The following ARHGAP5 variants were observed in gnomAD, a reference collection of about 807,000 sequenced individuals.
ARHGAP5 encodes Rho GTPase activating protein 5.
Under a neutral mutation model 116.6 loss-of-function variants are expected in ARHGAP5, and 23 were observed. That is an observed-to-expected ratio of 0.20 (90% CI 0.14 to 0.28). ARHGAP5 has a LOEUF of 0.28. Among genes scored for constraint, ARHGAP5 ranks in the 10% least tolerant of loss-of-function variants. ARHGAP5 has a pLI of 1.00. For missense variants in ARHGAP5, 1,405 were observed against 1,774.8 expected, an observed-to-expected ratio of 0.79 and a Z score of 3.74; for synonymous variants, 574 against 602.0, an observed-to-expected ratio of 0.95 and a Z score of 0.68.
chr14:32,124,622 T>C (rs1880052390), intron 3 of ARHGAP5, among the ~76,000 whole-genome samples: 2 of 152,298 alleles, frequency 1.3e-5, no homozygotes, highest in East Asian at 3.9e-4. Flanking sequence ...AGGGTGACCG[T>C]AGATGGCATT....
chr14:32,153,406 C>CAAAAAAAAA (rs771660350), intron 6 of ARHGAP5, among the ~76,000 whole-genome samples: 10 of 15,158 alleles, frequency 6.6e-4, no homozygotes, highest in Admixed American at 1.4e-3. Flanking sequence ...GACTCTGTCT[C>CAAAAAAAAA]AAAAAAAAAA....
At chr14:32,102,738 G>C (rs1207125556) in intron 2 of ARHGAP5, among the ~76,000 whole-genome samples, 2 of 152,242 alleles carry the variant, frequency 1.3e-5, no homozygotes, top group Admixed American at 6.5e-5. Flanking sequence ...AGTGTGATCA[G>C]TTGAAGTCAG....
intron 3 of ARHGAP5, among the ~76,000 whole-genome samples, chr14:32,145,661 C>G (rs1224998138): frequency 6.6e-6 from 1 of 152,082 alleles, no homozygotes; most frequent in Non-Finnish European, 1.5e-5. Flanking sequence ...CTTCTTCTCT[C>G]CACCATTCAC....
intron 3 of ARHGAP5, among the ~76,000 whole-genome samples, chr14:32,128,352 C>T (rs188115811): frequency 1.3e-3 from 200 of 152,326 alleles, no homozygotes; most frequent in African/African-American, 4.5e-3. Context: ...GAGGTTGTAG[C>T]GAGCCAAGAT....
chr14:32,096,990 G>A (rs1279641040), intron 2 of ARHGAP5, among the ~76,000 whole-genome samples: 3 of 152,246 alleles, frequency 2.0e-5, no homozygotes, highest in Admixed American at 2.0e-4. Flanking sequence ...ACCTGATTTG[G>A]CCTATTCTCA....
rs144640899 is a variant in ARHGAP5 at position 32,093,950 on chromosome 14, C to T, written c.3281C>T (p.Pro1094Leu). Residue 1094 changes from proline (P) to leucine (L), a missense_variant, in exon 2 of 7, where the codon CCC becomes CTC. By Grantham distance (98) the Pro-to-Leu change is moderately conservative. This residue lies in a region of ARHGAP5 where 944 missense variants were observed against 1,095.3 expected (regional missense o/e 0.86). Transcript: ENST00000345122. The part of the protein sequence containing the change: ...DMDPSDNYAE[P>L]IDTIFKQKGY... ...GATCCTTCAGATAACTATGCGGAAC[C>T]CATTGATACAATTTTCAAACAGAAG... The T allele has an allele frequency of 3.1e-6, 5 of 1,613,750 alleles. No homozygotes were observed. The highest frequency in any genetic ancestry group is 4.2e-6 in the Non-Finnish European group (5 of 1,179,978).
chr14:32,083,844 A>C (rs1257415187), intron 1 of ARHGAP5, among the ~76,000 whole-genome samples: 2 of 152,290 alleles, frequency 1.3e-5, no homozygotes, highest in African/African-American at 4.8e-5. Flanking sequence ...AGAGAAAAGG[A>C]CTCAGACACT....
At chr14:32,105,923 T>G (rs1216758980) in intron 2 of ARHGAP5, among the ~76,000 whole-genome samples, 1 of 152,218 alleles carries the variant, frequency 6.6e-6, no homozygotes, top group Non-Finnish European at 1.5e-5. Context: ...CCCTTGAGAT[T>G]CAGCCAAGTT....
At chr14:32,132,582 T>A (rs570451936) in intron 3 of ARHGAP5, among the ~76,000 whole-genome samples, 4 of 152,360 alleles carry the variant, frequency 2.6e-5, no homozygotes, top group Admixed American at 6.5e-5. Flanking sequence ...AGAAACTCTT[T>A]AGTTTAATTA....
chr14:32,082,591 G>A (rs1485187694), intron 1 of ARHGAP5, among the ~76,000 whole-genome samples: 1 of 152,002 alleles, frequency 6.6e-6, no homozygotes, highest in African/African-American at 2.4e-5. Flanking sequence ...TGTCACCCAG[G>A]CTGGAGTGCA....
chr14:32,125,054 G>T (rs1880073492), intron 3 of ARHGAP5, among the ~76,000 whole-genome samples: 1 of 152,136 alleles, frequency 6.6e-6, no homozygotes, highest in Admixed American at 6.5e-5. Context: ...GAAATGTACA[G>T]TTCAGTGGCA....
At chr14:32,136,791 A>T (rs1188871209) in intron 3 of ARHGAP5, among the ~76,000 whole-genome samples, 1 of 152,174 alleles carries the variant, frequency 6.6e-6, no homozygotes, top group East Asian at 1.9e-4. Flanking sequence ...TTTTTAAATT[A>T]TATGAAGTAA....
intron 3 of ARHGAP5, among the ~76,000 whole-genome samples, chr14:32,144,706 A>G (rs1485954164): frequency 6.6e-6 from 1 of 151,644 alleles, no homozygotes; most frequent in East Asian, 1.9e-4. Context: ...CTTGTCTCAA[A>G]CTCCTGACCT....
intron 1 of ARHGAP5, among the ~76,000 whole-genome samples, chr14:32,086,191 C>T (rs551053990): frequency 6.6e-6 from 1 of 152,186 alleles, no homozygotes; most frequent in South Asian, 2.1e-4. Flanking sequence ...AAGAACATGC[C>T]TTAGCATGTT....
intron 3 of ARHGAP5, among the ~76,000 whole-genome samples, chr14:32,124,217 T>C (rs1594373497): frequency 3.3e-5 from 5 of 152,304 alleles, no homozygotes; most frequent in African/African-American, 1.2e-4. Context: ...TGCTGCTTTT[T>C]CCCTCATGGA....
At chr14:32,149,473 T>C (rs1881541667) in intron 4 of ARHGAP5, among the ~76,000 whole-genome samples, 1 of 152,086 alleles carries the variant, frequency 6.6e-6, no homozygotes, top group Non-Finnish European at 1.5e-5. Flanking sequence ...TTTGTAAGCC[T>C]GAAAAGAAAA....
chr14:32,078,549 G>A (rs984363709), intron 1 of ARHGAP5, among the ~76,000 whole-genome samples: 2 of 151,898 alleles, frequency 1.3e-5, no homozygotes, highest in African/African-American at 4.8e-5. Context: ...AAATGTTCAG[G>A]TGTAAAACAG....
chr14:32,135,004 T>C (rs183699094), intron 3 of ARHGAP5, among the ~76,000 whole-genome samples: 1 of 152,314 alleles, frequency 6.6e-6, no homozygotes, highest in East Asian at 1.9e-4. Flanking sequence ...TCTGTCTTTT[T>C]CACCCATTGT....
In ARHGAP5 at chr14:32,090,625, CA is replaced by C; in HGVS notation, c.-44del. The C allele has an allele frequency of 6.9e-7, 1 of 1,455,308 alleles. No individual in the cohort carries two copies. The highest frequency in any genetic ancestry group is 9.3e-7 in the Non-Finnish European group (1 of 1,078,122). 90.1% of individuals were successfully genotyped at this position (1,455,308 alleles called of 1,614,324 possible). The stretch of plus-strand genomic sequence containing the variant: ...ATGATTTTATTTTCAGAATGAGAAG[CA>C]TATCTGGTTACCTTTATGAATGTAG... On this transcript the variant is annotated 5_prime_UTR_variant, in exon 2 of 7. The change creates a premature stop within an existing upstream ORF in the 5' untranslated region. Coordinates refer to ENST00000345122, the MANE Select transcript of ARHGAP5 (RefSeq NM_001030055.2).
Sources: allele counts gnomAD v4.1 joint callset (sites outside exome capture counted in the v4.1 genomes callset), GRCh38; gene constraint gnomAD v4.1.1; regional missense constraint gnomAD v4.1.1; transcripts MANE v1.5; gene names NCBI Gene and HGNC (gene_info 2026-07-23, HGNC 2026-07-21).